Variants in DIP2C observed in about 807,000 individuals in gnomAD.
DIP2C encodes the protein disco-interacting protein 2 homolog C.
Under a neutral mutation model 192.4 loss-of-function variants are expected in DIP2C, and 33 were observed. The observed-to-expected ratio is 0.17, with a 90% CI of 0.13 to 0.23. DIP2C has a LOEUF of 0.23. DIP2C is among the 10% of genes least tolerant of loss of function. The probability of loss-of-function intolerance (pLI) is 1.00; values close to 1 mark genes in which losing one functional copy is unlikely to be tolerated. For missense variants in DIP2C, 1,537 were observed against 2,110.1 expected (o/e 0.73, Z 5.32); for synonymous variants, 979 against 864.1 (o/e 1.13, Z -2.33).
chr10:485,119 G>T (rs561035941), intron 2 of DIP2C, among the ~76,000 whole-genome samples: 5 of 152,366 alleles, frequency 3.3e-5, no homozygotes, highest in South Asian at 2.1e-4. Context: ...ACCGCGGGAG[G>T]CACGGTGCGC....
At chr10:418,102 C>T (rs77741714) in intron 6 of DIP2C, among the ~76,000 whole-genome samples, 3 of 6,010 alleles carry the variant, frequency 5.0e-4, no homozygotes, top group Admixed American at 1.9e-3. Context: ...TAGGCATCCC[C>T]GTCCACCTGT....
At position 390,105 on chromosome 10, in the gene DIP2C, C is replaced by T. The variant is rs1402688355; in HGVS notation, c.1495-12G>A. On this transcript the variant is annotated splice_polypyrimidine_tract_variant and intron_variant, in intron 12 of 36. Transcript: ENST00000280886. ...TTACACGTCTTGTACTGAAACGAGA[C>T]AAAGCGTGAGGGAAGTGGGGCTGAC... 10 of 1,612,634 alleles carry T rather than the reference C, an allele frequency of 6.2e-6. No homozygotes were observed. The highest frequency in any genetic ancestry group is 6.8e-6 in the Non-Finnish European group (8 of 1,179,066).
chr10:278,926 C>G (rs1184421686), intron 36 of DIP2C, among the ~76,000 whole-genome samples: 1 of 152,132 alleles, frequency 6.6e-6, no homozygotes, highest in Admixed American at 6.5e-5. Context: ...CAGGGCTGCT[C>G]GTATCTGCTC....
intron 28 of DIP2C, among the ~76,000 whole-genome samples, chr10:344,463 T>C (rs1205649218): frequency 6.6e-6 from 1 of 152,102 alleles, no homozygotes; most frequent in African/African-American, 2.4e-5. Context: ...CATGATGATT[T>C]CTAATAGAGC....
At chr10:679,804 A>G (rs1890678) in intron 1 of DIP2C, among the ~76,000 whole-genome samples, 148,513 of 152,180 alleles carry the variant, frequency 0.98, 72,566 homozygotes, top group East Asian at 1. Context: ...CTGCGCCCAT[A>G]TCTGCTCCTC....
intron 35 of DIP2C, 137 bp from the exon 36 acceptor site, chr10:281,460 G>T: frequency 7.8e-7 from 1 of 1,282,910 alleles, no homozygotes; most frequent in Non-Finnish European, 1.0e-6. Flanking sequence ...ATCCAGGGAC[G>T]TTTGTTTCCT....
chr10:481,527 AGAT>A (rs1843606722), intron 2 of DIP2C, among the ~76,000 whole-genome samples: 1 of 152,240 alleles, frequency 6.6e-6, no homozygotes, highest in Non-Finnish European at 1.5e-5. Flanking sequence ...AGTTCTGAAA[AGAT>A]AATAAAATTC....
Position 363,834 on chromosome 10 carries a change from C to T in DIP2C, c.2478-523G>A, listed in dbSNP as rs1959841318. Among the ~76,000 whole-genome samples the T allele has an allele frequency of 6.6e-6, 1 of 152,206 alleles. No homozygotes were observed. On this transcript the variant is annotated intron_variant, in intron 20 of 36. Coordinates refer to ENST00000280886, the MANE Select transcript of DIP2C (RefSeq NM_014974.3). The surrounding 1 kb of genome is among the most constrained non-coding windows in gnomAD (Gnocchi z 5.4). Reference sequence around the variant, plus strand: ...AACATCATATCCAGGTATCTACTTCCTGCTCCCATCAGCTTCCAAACTGAA... The same window carrying T: ...AACATCATATCCAGGTATCTACTTCTTGCTCCCATCAGCTTCCAAACTGAA...
At chr10:473,917 T>A (rs980375864) in intron 2 of DIP2C, among the ~76,000 whole-genome samples, 1 of 152,168 alleles carries the variant, frequency 6.6e-6, no homozygotes, top group African/African-American at 2.4e-5. Context: ...CGTGTGTGGG[T>A]CTCATGTATC....
At chr10:623,037 G>C (rs951720589) in intron 1 of DIP2C, among the ~76,000 whole-genome samples, 1 of 152,226 alleles carries the variant, frequency 6.6e-6, no homozygotes, top group African/African-American at 2.4e-5. Context: ...ACAGAGGAAT[G>C]ATTCTGTGTT....
At chr10:579,706 G>A (rs901953602) in intron 1 of DIP2C, among the ~76,000 whole-genome samples, 7 of 151,966 alleles carry the variant, frequency 4.6e-5, no homozygotes, top group Admixed American at 3.3e-4. Context: ...TGTACACATA[G>A]TGTACACACA....
chr10:560,536 A>G (rs1312910701), intron 1 of DIP2C, among the ~76,000 whole-genome samples: 2 of 152,182 alleles, frequency 1.3e-5, no homozygotes, highest in African/African-American at 2.4e-5. Flanking sequence ...CATTGTTTTG[A>G]TAGGCCTCTT....
At chr10:529,692 T>TAG (rs141929771) in intron 1 of DIP2C, among the ~76,000 whole-genome samples, 26 of 152,340 alleles carry the variant, frequency 1.7e-4, no homozygotes, top group Non-Finnish European at 2.9e-4. Context: ...ATGGGCTGGA[T>TAG]AGCTCACTTA....
intron 4 of DIP2C, among the ~76,000 whole-genome samples, chr10:431,321 C>T (rs901553629): frequency 2.0e-5 from 3 of 152,196 alleles, no homozygotes; most frequent in Admixed American, 6.5e-5. Context: ...TATCCATGAA[C>T]GTGGACTACC....
intron 28 of DIP2C, among the ~76,000 whole-genome samples, chr10:343,028 G>A (rs908853259): frequency 2.6e-5 from 4 of 152,180 alleles, no homozygotes; most frequent in African/African-American, 4.8e-5. Flanking sequence ...GGTGGCTCAC[G>A]CCTGTGATCC....
intron 32 of DIP2C, 90 bp from the exon 33 acceptor site, chr10:288,511 T>C: frequency 2.2e-6 from 3 of 1,392,072 alleles, no homozygotes; most frequent in Non-Finnish European, 3.0e-6. Flanking sequence ...GCCTGGCAGC[T>C]GTCCGGGAAA....
At chr10:503,929 A>G (rs1192138693) in intron 1 of DIP2C, among the ~76,000 whole-genome samples, 1 of 152,256 alleles carries the variant, frequency 6.6e-6, no homozygotes, top group African/African-American at 2.4e-5. Flanking sequence ...TTCCAAGTCC[A>G]AAGACTCATT....
At chr10:528,401 CGCCCACT>C (rs1847181515) in intron 1 of DIP2C, among the ~76,000 whole-genome samples, 2 of 151,014 alleles carry the variant, frequency 1.3e-5, no homozygotes, top group African/African-American at 4.9e-5. Context: ...GAACGCAGAC[CGCCCACT>C]GCTCCCCCAG....
At chr10:442,169 G>A (rs920274613) in intron 3 of DIP2C, among the ~76,000 whole-genome samples, 1 of 152,154 alleles carries the variant, frequency 6.6e-6, no homozygotes, top group Non-Finnish European at 1.5e-5. Flanking sequence ...GACGGGTTGG[G>A]GGAAAGGGTC....
Sources: allele counts gnomAD v4.1 joint callset (sites outside exome capture counted in the v4.1 genomes callset), GRCh38; gene constraint gnomAD v4.1.1; non-coding constraint Gnocchi (gnomAD v3.1); transcripts MANE v1.5; gene names NCBI Gene and HGNC (gene_info 2026-07-23, HGNC 2026-07-21).